The following MICAL3 variants were observed in gnomAD, a reference collection of about 807,000 sequenced individuals.
MICAL3 encodes [F-actin]-monooxygenase MICAL3.
In MICAL3, 62 loss-of-function variants were observed where a neutral mutation model predicts 207.4. The ratio of observed to expected loss-of-function variants is 0.30; its 90% confidence interval spans 0.24 to 0.37. MICAL3 has a LOEUF of 0.37. Among genes scored for constraint, MICAL3 ranks in the 10% least tolerant of loss-of-function variants. The probability of loss-of-function intolerance (pLI) is 1.00; values close to 1 mark genes in which losing one functional copy is unlikely to be tolerated. For synonymous variants in MICAL3, 1,077 were observed against 1,069.3 expected (o/e 1.01, Z -0.14); for missense variants, 2,368 against 2,635.6 (o/e 0.90, Z 2.22).
At chr22:17,930,847 C>A (rs1343077619) in intron 1 of MICAL3, among the ~76,000 whole-genome samples, 1 of 152,240 alleles carries the variant, frequency 6.6e-6, no homozygotes, top group Non-Finnish European at 1.5e-5. Flanking sequence ...TTCCAGCCTG[C>A]CCCACTCTCC....
chr22:17,845,328 G>A lies in MICAL3; in HGVS notation c.2606-3311C>T, dbSNP rs1421792517. On this transcript the variant is annotated intron_variant, in intron 19 of 31. Transcript: ENST00000441493. The stretch of plus-strand genomic sequence containing the variant: ...CATCCAAGAGGCGTCTGTTTGACGT[G>A]GGTAACGTGGGGAACGCATACTGTC... Among the ~76,000 whole-genome samples, 49 of 152,178 alleles carry A rather than the reference G, an allele frequency of 3.2e-4. 1 individual carries two copies. The highest frequency in any genetic ancestry group is 1.5e-5 in the Non-Finnish European group (1 of 68,028).
rs745840478 is a variant in MICAL3, at chr22:17,808,836, G to A, written c.5650+8C>T. ...AGGAGCAGAGCTTAGGAGGGAGCCCGGCAGTACCTGCTTCGCCCCGGAGCG... is the reference window on the plus strand; with the variant it reads ...AGGAGCAGAGCTTAGGAGGGAGCCCAGCAGTACCTGCTTCGCCCCGGAGCG... On this transcript the variant is annotated splice_region_variant and intron_variant, in intron 29 of 31. Transcript: ENST00000441493. The A allele has an allele frequency of 1.4e-5, 21 of 1,551,150 alleles. No homozygotes were observed. The highest frequency in any genetic ancestry group is 1.7e-4 in the Middle Eastern group (1 of 5,992).
rs2061816458 is a variant in MICAL3, at chr22:17,790,741, G to T, written c.6000C>A (p.Asn2000Lys). ...AAMLSKGFSL[N>K]WS is the part of the protein sequence containing the mutation. ...AGCGTTGGGTGGGAGCTCAGGACCA[G>T]TTAAGGCTGAAGCCCTTGGACAGCA... Residue 2000 changes from asparagine (N) to lysine (K), a missense_variant, in exon 32 of 32, where the codon AAC (asparagine) becomes AAA (lysine). By Grantham distance (94) the Asn-to-Lys change is moderately conservative (BLOSUM62 0). Transcript: ENST00000441493. 6.2e-7 allele frequency: 1 copy of T among 1,600,966 alleles called. No individual in the cohort carries two copies. The highest frequency in any genetic ancestry group is 8.5e-7 in the Non-Finnish European group (1 of 1,173,686).
chr22:17,876,838 G>A (rs371261427), intron 16 of MICAL3: 12 of 58,948 alleles, frequency 2.0e-4, no homozygotes, highest in South Asian at 8.8e-4. Context: ...ATGGAGGTTA[G>A]GGAGGTTAGG....
chr22:17,885,385 T>A (rs184208879), intron 16 of MICAL3, among the ~76,000 whole-genome samples: 10 of 152,204 alleles, frequency 6.6e-5, no homozygotes, highest in African/African-American at 1.7e-4. Context: ...TGGGAACGCC[T>A]ACGGTTAAAT....
chr22:17,831,879 G>GTCATAGTCCTCCTCCTCCTCCTCT lies in MICAL3; in HGVS notation c.3006_3029dup (p.Glu1002_Tyr1009dup). 6.4e-7 allele frequency: 1 copy of GTCATAGTCCTCCTCCTCCTCCTCT among 1,553,174 alleles called. No homozygotes were observed. Among genetic ancestry groups the GTCATAGTCCTCCTCCTCCTCCTCT allele is most frequent in the East Asian group, 2.4e-5 (1 of 41,072 alleles). ...CTTCACTGGACTCTTCCTCCTCCTC[G>GTCATAGTCCTCCTCCTCCTCCTCT]TCATAGTCCTCCTCCTCCTCCTCTT... is the stretch of plus-strand genomic sequence containing the variant. On this transcript the variant is annotated inframe_insertion, in exon 21 of 32. Transcript: ENST00000441493.
intron 1 of MICAL3, among the ~76,000 whole-genome samples, chr22:17,924,010 T>G (rs757376160): frequency 1.2e-4 from 19 of 152,046 alleles, no homozygotes; most frequent in Non-Finnish European, 2.6e-4. Context: ...CAAGGAGAAG[T>G]GCAGCACGAA....
chr22:17,982,712 TAACA>T (rs1217917028), intron 1 of MICAL3, among the ~76,000 whole-genome samples: 6 of 145,712 alleles, frequency 4.1e-5, no homozygotes, highest in Admixed American at 6.8e-5. Context: ...TAACATAACA[TAACA>T]AACATAACAT....
At chr22:17,925,351 T>A (rs1472560071) in intron 1 of MICAL3, among the ~76,000 whole-genome samples, 1 of 152,178 alleles carries the variant, frequency 6.6e-6, no homozygotes. Flanking sequence ...ACCACTTGAT[T>A]GCAGTATAAC....
chr22:17,900,714 A>T lies in MICAL3; in HGVS notation c.847+128T>A. 1 of 714,310 alleles carries T rather than the reference A, an allele frequency of 1.4e-6. No individual in the cohort carries two copies. The highest frequency in any genetic ancestry group is 2.7e-5 in the East Asian group (1 of 37,624). The allele number at this position is 714,310 out of a possible 1,614,324, so 44.2% of individuals were successfully genotyped here. A position where few individuals can be genotyped will look rare whatever the true frequency, so the allele number is the denominator to read the frequency against. ...CGCTAGGAAGAAGGAACAGGAGTGA[A>T]AAGAGCAGGAGGGGCAGACAGTGCA... is the stretch of plus-strand genomic sequence containing the variant. On this transcript the variant is annotated intron_variant, in intron 6 of 31. Coordinates refer to ENST00000441493, the MANE Select transcript of MICAL3 (RefSeq NM_015241.3). This position sits in a 1 kb window ranked among gnomAD's most constrained non-coding sequence, Gnocchi z 4.0.
chr22:17,927,853 C>A (rs940570583), intron 1 of MICAL3, among the ~76,000 whole-genome samples: 4 of 152,108 alleles, frequency 2.6e-5, no homozygotes, highest in African/African-American at 9.7e-5. Context: ...CCAGATCTTA[C>A]CTCTGTTCTC....
At chr22:18,010,643 C>T (rs1923658364) in intron 1 of MICAL3, among the ~76,000 whole-genome samples, 1 of 152,104 alleles carries the variant, frequency 6.6e-6, no homozygotes, top group Non-Finnish European at 1.5e-5. Flanking sequence ...CTTTTCTTAG[C>T]TCCCACTGGC....
At chr22:17,988,393 C>A (rs138627339) in intron 1 of MICAL3, among the ~76,000 whole-genome samples, 1 of 151,902 alleles carries the variant, frequency 6.6e-6, no homozygotes, top group Non-Finnish European at 1.5e-5. Flanking sequence ...GGTGGGCACA[C>A]CACCACCCAC....
chr22:17,805,557 A>T (rs1358722762), intron 29 of MICAL3, among the ~76,000 whole-genome samples: 1 of 152,270 alleles, frequency 6.6e-6, no homozygotes, highest in African/African-American at 2.4e-5. Context: ...GGATAGAGAT[A>T]TCTGCTGAAG....
At chr22:17,928,035 G>C (rs958215815) in intron 1 of MICAL3, among the ~76,000 whole-genome samples, 1 of 152,130 alleles carries the variant, frequency 6.6e-6, no homozygotes, top group African/African-American at 2.4e-5. Flanking sequence ...AGATAAATTG[G>C]GTTTTATTTA....
At chr22:17,893,378 C>T (rs1930537691) in intron 11 of MICAL3, among the ~76,000 whole-genome samples, 1 of 152,182 alleles carries the variant, frequency 6.6e-6, no homozygotes, top group African/African-American at 2.4e-5. Flanking sequence ...GAGTGGTCCT[C>T]ACCTGTCACT....
At chr22:17,960,903 G>C (rs1051176454) in intron 1 of MICAL3, among the ~76,000 whole-genome samples, 13 of 152,208 alleles carry the variant, frequency 8.5e-5, no homozygotes, top group African/African-American at 2.4e-5. Flanking sequence ...CTCAGCAGGA[G>C]GTGCTGGGTC....
chr22:17,993,944 C>T (rs186005095), intron 1 of MICAL3, among the ~76,000 whole-genome samples: 6 of 152,252 alleles, frequency 3.9e-5, no homozygotes, highest in Non-Finnish European at 5.9e-5. Context: ...TAAATCCTGA[C>T]GCCACCACTT....
chr22:17,952,712 C>T (rs1385903439), intron 1 of MICAL3, among the ~76,000 whole-genome samples: 1 of 152,150 alleles, frequency 6.6e-6, no homozygotes, highest in Non-Finnish European at 1.5e-5. Context: ...GTCAGAGAGG[C>T]CACTGAGTGC....
Sources: gnomAD v4.1 joint callset for allele counts (sites outside exome capture counted in the v4.1 genomes callset) on GRCh38, gnomAD v4.1.1 for gene constraint, Gnocchi (gnomAD v3.1) non-coding constraint, MANE v1.5 for transcripts, NCBI Gene and HGNC (gene_info 2026-07-23, HGNC 2026-07-21) for gene names.